DYNC1I1: variants seen among roughly 807,000 people sequenced by gnomAD.
DYNC1I1 encodes the protein cytoplasmic dynein 1 intermediate chain 1.
Under a neutral mutation model 86.6 loss-of-function variants are expected in DYNC1I1, and 43 were observed. The observed-to-expected ratio is 0.50, with a 90% CI of 0.39 to 0.64. DYNC1I1 has a LOEUF of 0.64. Ranked by LOEUF, DYNC1I1 falls within the 30% of genes least tolerant of loss-of-function variation. DYNC1I1 has a pLI of 0.00. For synonymous variants in DYNC1I1, 262 were observed against 283.7 expected (o/e 0.92, Z 0.77); for missense variants, 604 against 788.8 (o/e 0.77, Z 2.81).
intron 9 of DYNC1I1, among the ~76,000 whole-genome samples, chr7:95,993,475 G>A (rs1793780598): frequency 6.6e-6 from 1 of 152,164 alleles, no homozygotes; most frequent in Non-Finnish European, 1.5e-5. Context: ...TTATAGAGTT[G>A]CCTTTTCACA....
intron 1 of DYNC1I1, among the ~76,000 whole-genome samples, chr7:95,785,043 C>G (rs1477024099): frequency 2.6e-5 from 4 of 152,094 alleles, no homozygotes; most frequent in African/African-American, 9.7e-5. Context: ...TTTGTGCCTT[C>G]AAAAAACATT....
At chr7:95,870,315 ATTAAGCATACATTAAGAATC>A (rs1300694930) in intron 6 of DYNC1I1, among the ~76,000 whole-genome samples, 2 of 152,250 alleles carry the variant, frequency 1.3e-5, no homozygotes, top group African/African-American at 2.4e-5. Flanking sequence ...ATAAGAATAC[ATTAAGCATACATTAAGAATC>A]TTAAGCATAC....
At chr7:96,091,154 TC>T (rs1426130480) in intron 16 of DYNC1I1, among the ~76,000 whole-genome samples, 1 of 152,208 alleles carries the variant, frequency 6.6e-6, no homozygotes, top group African/African-American at 2.4e-5. Flanking sequence ...TTAATAATTG[TC>T]CTTTTTAAAA....
At chr7:95,987,673 T>G (rs1793629953) in intron 9 of DYNC1I1, among the ~76,000 whole-genome samples, 1 of 152,164 alleles carries the variant, frequency 6.6e-6, no homozygotes, top group Non-Finnish European at 1.5e-5. Flanking sequence ...TCTCTTCCAC[T>G]GCTAAGGATT....
At chr7:95,962,266 C>T (rs1792890998) in intron 6 of DYNC1I1, among the ~76,000 whole-genome samples, 1 of 152,170 alleles carries the variant, frequency 6.6e-6, no homozygotes, top group African/African-American at 2.4e-5. Flanking sequence ...CCATAGCTTA[C>T]ACCCTCTTTC....
chr7:96,053,294 A>T (rs1456202495), intron 14 of DYNC1I1, among the ~76,000 whole-genome samples: 2 of 152,206 alleles, frequency 1.3e-5, no homozygotes, highest in Non-Finnish European at 2.9e-5. Context: ...ACATAATTTT[A>T]AGTGTATTTC....
intron 6 of DYNC1I1, among the ~76,000 whole-genome samples, chr7:95,973,652 C>T (rs1443765085): frequency 6.6e-6 from 1 of 152,116 alleles, no homozygotes; most frequent in Admixed American, 6.6e-5. Context: ...TATCACAAAC[C>T]TAGTCCTTTT....
chr7:96,041,984 T>G (rs1157955330), intron 14 of DYNC1I1, among the ~76,000 whole-genome samples: 1 of 152,188 alleles, frequency 6.6e-6, no homozygotes, highest in Admixed American at 6.5e-5. Flanking sequence ...GTGGTTCAAA[T>G]TGGTAGCAAA....
intron 9 of DYNC1I1, among the ~76,000 whole-genome samples, chr7:95,990,435 T>C (rs112946042): frequency 0.015 from 2,269 of 152,288 alleles, 57 homozygotes; most frequent in African/African-American, 0.051. Flanking sequence ...AAAAGATTAC[T>C]ATTGACACCA....
intron 10 of DYNC1I1, among the ~76,000 whole-genome samples, chr7:96,007,921 T>G (rs1156595317): frequency 6.6e-6 from 1 of 152,164 alleles, no homozygotes; most frequent in African/African-American, 2.4e-5. Context: ...GGGGCCACAG[T>G]CCATTTCTCT....
chr7:95,933,951 G>A (rs548629638), intron 6 of DYNC1I1, among the ~76,000 whole-genome samples: 5 of 152,078 alleles, frequency 3.3e-5, no homozygotes, highest in Non-Finnish European at 5.9e-5. Flanking sequence ...ACCCATTGGT[G>A]CCAATGAAAG....
intron 6 of DYNC1I1, among the ~76,000 whole-genome samples, chr7:95,910,622 G>GT (rs1321779543): frequency 2.6e-5 from 4 of 152,152 alleles, no homozygotes; most frequent in Admixed American, 6.5e-5. Context: ...GGGAAATCAG[G>GT]TTGCATTGGG....
At chr7:96,060,976 C>T (rs1240053320) in intron 14 of DYNC1I1, among the ~76,000 whole-genome samples, 1 of 152,154 alleles carries the variant, frequency 6.6e-6, no homozygotes, top group Non-Finnish European at 1.5e-5. Context: ...GAAAATGAGA[C>T]ATCTCCCTGT....
chr7:95,849,007 A>G (rs1388510438), intron 5 of DYNC1I1, among the ~76,000 whole-genome samples: 4 of 152,026 alleles, frequency 2.6e-5, no homozygotes, highest in Admixed American at 2.6e-4. Context: ...TCAGATACTC[A>G]TTGACCATCT....
At chr7:95,820,826 CCTCGGCCTCCCAAAGCT>C (rs1221345443) in intron 4 of DYNC1I1, among the ~76,000 whole-genome samples, 1 of 152,258 alleles carries the variant, frequency 6.6e-6, no homozygotes, top group Non-Finnish European at 1.5e-5. Flanking sequence ...GATCCTCCTG[CCTCGGCCTCCCAAAGCT>C]CTGGGATTAC....
chr7:95,826,297 G>C (rs114461660), intron 4 of DYNC1I1, among the ~76,000 whole-genome samples: 4 of 152,280 alleles, frequency 2.6e-5, no homozygotes, highest in African/African-American at 9.6e-5. Context: ...GGGAAGCTGT[G>C]AATCTGTATT....
chr7:95,776,929 G>T (rs1437485871), intron 1 of DYNC1I1, among the ~76,000 whole-genome samples: 1 of 152,234 alleles, frequency 6.6e-6, no homozygotes. Context: ...ACAAGGAGAT[G>T]CTTGGAGGGA....
intron 9 of DYNC1I1, among the ~76,000 whole-genome samples, chr7:95,988,910 G>C (rs1180648661): frequency 6.6e-6 from 1 of 152,168 alleles, no homozygotes; most frequent in Admixed American, 6.5e-5. Context: ...GAGAAGCTAA[G>C]TAACTTGCTG....
chr7:95,893,848 A>G (rs1790807170), intron 6 of DYNC1I1, among the ~76,000 whole-genome samples: 1 of 152,202 alleles, frequency 6.6e-6, no homozygotes. Flanking sequence ...AAAAATATTA[A>G]ATGAAACAGT....
Sources: gnomAD v4.1 joint callset for allele counts (sites outside exome capture counted in the v4.1 genomes callset) on GRCh38, gnomAD v4.1.1 for gene constraint, MANE v1.5 for transcripts, NCBI Gene and HGNC (gene_info 2026-07-23, HGNC 2026-07-21) for gene names.